ALK: variants seen among roughly 807,000 people sequenced by gnomAD.
ALK encodes ALK receptor tyrosine kinase, also known as ALK tyrosine kinase receptor.
ALK carries 74 observed loss-of-function variants against 163.1 expected under a neutral mutation model. That is an observed-to-expected ratio of 0.45 (90% confidence interval 0.38 to 0.55). The LOEUF is 0.55. ALK is among the 20% of genes least tolerant of loss of function. The pLI is 0.00. For missense variants in ALK, 2,063 were observed against 2,105.3 expected, an observed-to-expected ratio of 0.98 and a Z score of 0.39; for synonymous variants, 960 against 843.2, an observed-to-expected ratio of 1.14 and a Z score of -2.40.
chr2:29,800,624 A>T (rs1416756562), intron 1 of ALK, among the ~76,000 whole-genome samples: 1 of 152,176 alleles, frequency 6.6e-6, no homozygotes, highest in African/African-American at 2.4e-5. Context: ...GTGTGGCAAC[A>T]GGGAGGTTGC....
At chr2:29,727,658 G>C (rs1394529607) in intron 1 of ALK, among the ~76,000 whole-genome samples, 1 of 152,080 alleles carries the variant, frequency 6.6e-6, no homozygotes, top group African/African-American at 2.4e-5. Context: ...TTACTAAGGG[G>C]TATTGGCATG....
intron 6 of ALK, among the ~76,000 whole-genome samples, chr2:29,323,377 A>G (rs1311948065): frequency 6.6e-6 from 1 of 152,216 alleles, no homozygotes; most frequent in East Asian, 1.9e-4. Flanking sequence ...AGCTCTGCCT[A>G]TGCCTTTCAG....
intron 4 of ALK, among the ~76,000 whole-genome samples, chr2:29,421,289 T>C (rs1360532188): frequency 6.6e-6 from 1 of 151,534 alleles, no homozygotes; most frequent in African/African-American, 2.4e-5. Flanking sequence ...TGCTTGACTG[T>C]GCAGAGAAAG....
At chr2:29,561,947 T>C (rs1674035414) in intron 3 of ALK, among the ~76,000 whole-genome samples, 1 of 152,136 alleles carries the variant, frequency 6.6e-6, no homozygotes, top group African/African-American at 2.4e-5. Flanking sequence ...TTTCAACAGA[T>C]ACTACTGAGA....
chr2:29,717,413 G>A (rs948271863), intron 2 of ALK, among the ~76,000 whole-genome samples, 165 bp downstream of exon 2: 1 of 152,088 alleles, frequency 6.6e-6, no homozygotes, highest in African/African-American at 2.4e-5. Context: ...AATGGTCCAC[G>A]GGGTTGAGCG....
At position 29,288,978 on chromosome 2, in the gene ALK, AT is replaced by A. The variant is rs1358096327; in HGVS notation, c.1817+7909del. Among the ~76,000 whole-genome samples, 105 of 146,716 alleles carry A rather than the reference AT, an allele frequency of 7.2e-4. 3 individuals are homozygous for A. Among genetic ancestry groups the A allele is most frequent in the African/African-American group, 1.3e-3 (51 of 40,222 alleles). On this transcript the variant is annotated intron_variant, in intron 9 of 28. Transcript: ENST00000389048. Reference sequence around the variant, plus strand: ...AAAAAATAAATAAATAAATAAATAAATAAATAAATAAATAAATAAATAAAAG... The same window carrying A: ...AAAAAATAAATAAATAAATAAATAAAAAATAAATAAATAAATAAATAAAAG...
intron 3 of ALK, among the ~76,000 whole-genome samples, chr2:29,535,877 C>T (rs544560506): frequency 2.2e-4 from 34 of 152,340 alleles, no homozygotes; most frequent in Non-Finnish European, 4.6e-4. Context: ...ATTCACCTCT[C>T]TGAGGGTTAT....
chr2:29,783,068 C>T (rs754529131), intron 1 of ALK, among the ~76,000 whole-genome samples: 2 of 152,214 alleles, frequency 1.3e-5, no homozygotes, highest in Admixed American at 6.5e-5. Flanking sequence ...CAGTGCAAGG[C>T]GTTTGTCATT....
chr2:29,311,078 C>T (rs1666681502), intron 8 of ALK, among the ~76,000 whole-genome samples: 1 of 152,214 alleles, frequency 6.6e-6, no homozygotes, highest in Non-Finnish European at 1.5e-5. Flanking sequence ...TAGACCCCAG[C>T]TAAAGGCTTT....
intron 1 of ALK, among the ~76,000 whole-genome samples, chr2:29,747,930 C>A (rs557096110): frequency 6.6e-6 from 1 of 152,266 alleles, no homozygotes; most frequent in South Asian, 2.1e-4. Flanking sequence ...GGACAGTGGG[C>A]AGACCTTTCT....
intron 4 of ALK, among the ~76,000 whole-genome samples, chr2:29,437,282 C>T (rs529516312): frequency 2.6e-5 from 4 of 152,162 alleles, no homozygotes; most frequent in East Asian, 3.9e-4. Context: ...TGAACCCCCA[C>T]GTGGGCCCAT....
chr2:29,738,963 A>G (rs1679971099), intron 1 of ALK, among the ~76,000 whole-genome samples: 1 of 152,078 alleles, frequency 6.6e-6, no homozygotes, highest in African/African-American at 2.4e-5. Flanking sequence ...TTGGCTAGGC[A>G]CAGTGGCTCA....
intron 4 of ALK, among the ~76,000 whole-genome samples, chr2:29,471,995 G>A (rs559206545): frequency 5.3e-5 from 8 of 152,166 alleles, no homozygotes; most frequent in African/African-American, 1.7e-4. Context: ...CACCCACCGT[G>A]GCCTCCCAAA....
At chr2:29,252,255 T>C (rs542972435) in intron 11 of ALK, among the ~76,000 whole-genome samples, 1 of 150,718 alleles carries the variant, frequency 6.6e-6, no homozygotes, top group Non-Finnish European at 1.5e-5. Flanking sequence ...AGATCTCATG[T>C]TGGCCAAAAT....
intron 3 of ALK, among the ~76,000 whole-genome samples, chr2:29,617,615 A>G (rs1258010691): frequency 6.6e-6 from 1 of 152,238 alleles, no homozygotes; most frequent in East Asian, 1.9e-4. Flanking sequence ...GCTCAGTTTT[A>G]GTAACAATCC....
rs1400620079 is a variant in ALK, at chr2:29,193,231, C to A, written c.4856G>T (p.Gly1619Val). The A allele has an allele frequency of 6.2e-7, 1 of 1,613,894 alleles. No homozygotes were observed. The highest frequency in any genetic ancestry group is 1.3e-5 in the African/African-American group (1 of 74,910). Residue 1619 changes from glycine to valine, a missense_variant, in exon 29 of 29, where the codon GGG becomes GTG. By Grantham distance (109) the Gly-to-Val change is moderately radical (BLOSUM62 -3). Coordinates refer to ENST00000389048, the MANE Select transcript of ALK (RefSeq NM_004304.5). The stretch of plus-strand genomic sequence containing the variant: ...GTGAGTGTGCGACCGAGCTCAGGGC[C>A]CAGGCTGGTTCATGCTATTCTTGCT... ...LKSKNSMNQP[G>V]P
At chr2:29,294,731 C>A (rs1666129931) in intron 9 of ALK, among the ~76,000 whole-genome samples, 7 of 152,194 alleles carry the variant, frequency 4.6e-5, no homozygotes, top group Admixed American at 4.6e-4. Context: ...TGTTATTATT[C>A]TCATTTTACT....
At chr2:29,620,691 C>T (rs759923282) in intron 3 of ALK, among the ~76,000 whole-genome samples, 1 of 152,090 alleles carries the variant, frequency 6.6e-6, no homozygotes, top group African/African-American at 2.4e-5. Context: ...CCTTCCAGCT[C>T]TAATAGCCAA....
At chr2:29,741,842 T>C (rs567917769) in intron 1 of ALK, among the ~76,000 whole-genome samples, 3 of 152,240 alleles carry the variant, frequency 2.0e-5, no homozygotes, top group Admixed American at 6.5e-5. Flanking sequence ...GGGACCCTAG[T>C]GGGTAAAGGC....
Sources: allele counts gnomAD v4.1 joint callset (sites outside exome capture counted in the v4.1 genomes callset), GRCh38; gene constraint gnomAD v4.1.1; transcripts MANE v1.5; gene names NCBI Gene and HGNC (gene_info 2026-07-23, HGNC 2026-07-21).